STK32B: variants seen among roughly 807,000 people sequenced by gnomAD.
The protein encoded by STK32B is serine/threonine-protein kinase 32B.
Under a neutral mutation model 52.6 loss-of-function variants are expected in STK32B, and 43 were observed. The ratio of observed to expected loss-of-function variants is 0.82; its 90% CI spans 0.64 to 1.05. The LOEUF (loss-of-function observed/expected upper bound fraction) is 1.05. STK32B is among the 50% of genes least tolerant of loss of function. STK32B has a pLI of 0.00. For missense variants in STK32B, 621 were observed against 534.6 expected, an observed-to-expected ratio of 1.16 and a Z score of -1.59; for synonymous variants, 238 against 204.3, an observed-to-expected ratio of 1.17 and a Z score of -1.41.
At chr4:5,119,669 C>T (rs1714919141) in intron 1 of STK32B, among the ~76,000 whole-genome samples, 1 of 152,190 alleles carries the variant, frequency 6.6e-6, no homozygotes, top group Non-Finnish European at 1.5e-5. Flanking sequence ...CTTTTTCTTC[C>T]TTCTGCTTCT....
chr4:5,410,751 C>T (rs902215099), intron 5 of STK32B, among the ~76,000 whole-genome samples: 2 of 152,210 alleles, frequency 1.3e-5, no homozygotes, highest in African/African-American at 4.8e-5. Context: ...GATATCCCTA[C>T]AAACAATAAG....
chr4:5,387,399 C>T (rs964468970), intron 4 of STK32B, among the ~76,000 whole-genome samples: 7 of 152,210 alleles, frequency 4.6e-5, no homozygotes, highest in Admixed American at 1.3e-4. Context: ...CACACAAGCA[C>T]ATATACCCTG....
intron 3 of STK32B, among the ~76,000 whole-genome samples, chr4:5,315,104 T>C (rs896981342): frequency 2.8e-4 from 43 of 152,272 alleles, no homozygotes; most frequent in African/African-American, 8.9e-4. Context: ...CTAGACTATA[T>C]AGTGAGTTCT....
chr4:5,178,813 G>A (rs1490826514), intron 3 of STK32B, among the ~76,000 whole-genome samples: 1 of 152,142 alleles, frequency 6.6e-6, no homozygotes, highest in African/African-American at 2.4e-5. Context: ...GGACTTAATT[G>A]CCCATATCAC....
chr4:5,138,049 T>C (rs1237063667), intron 1 of STK32B, among the ~76,000 whole-genome samples: 2 of 152,190 alleles, frequency 1.3e-5, no homozygotes, highest in Non-Finnish European at 2.9e-5. Context: ...CATAACAAGC[T>C]GCAGTCCAAG....
In STK32B at chr4:5,499,099, T is replaced by G. The variant is rs754232637; in HGVS notation, c.*16T>G. On this transcript the variant is annotated 3_prime_UTR_variant, in exon 12 of 12. Coordinates refer to ENST00000282908, the MANE Select transcript of STK32B (RefSeq NM_018401.3). Reference sequence around the variant, plus strand: ...CAGCAGCTGAGCCCACACTTGTTGCTGCTCAACAGGACTGCACTCGTCTCT... The same window carrying G: ...CAGCAGCTGAGCCCACACTTGTTGCGGCTCAACAGGACTGCACTCGTCTCT... The G allele has an allele frequency of 6.2e-7, 1 of 1,604,606 alleles. No homozygotes were observed.
At chr4:5,321,846 G>A (rs1037411205) in intron 3 of STK32B, among the ~76,000 whole-genome samples, 2 of 152,050 alleles carry the variant, frequency 1.3e-5, no homozygotes, top group African/African-American at 4.8e-5. Flanking sequence ...ATGGCTTTGA[G>A]AGGTTCTCAT....
intron 4 of STK32B, among the ~76,000 whole-genome samples, chr4:5,351,598 A>T (rs1733829578): frequency 1.3e-5 from 2 of 152,048 alleles, no homozygotes; most frequent in Admixed American, 6.5e-5. Context: ...ATAAAAGGAC[A>T]AAATAATAAA....
chr4:5,175,637 G>C (rs577049479), intron 3 of STK32B, among the ~76,000 whole-genome samples: 5 of 152,336 alleles, frequency 3.3e-5, no homozygotes, highest in Admixed American at 3.3e-4. Flanking sequence ...AACCGCAAAT[G>C]CTGCTGCCTG....
At chr4:5,220,021 G>A (rs1723423828) in intron 3 of STK32B, among the ~76,000 whole-genome samples, 1 of 152,104 alleles carries the variant, frequency 6.6e-6, no homozygotes, top group African/African-American at 2.4e-5. Context: ...ATAAGGCTGT[G>A]GGCACGTTCA....
chr4:5,138,204 G>A (rs1162482300), intron 1 of STK32B, among the ~76,000 whole-genome samples: 2 of 152,164 alleles, frequency 1.3e-5, no homozygotes, highest in East Asian at 3.8e-4. Context: ...CATTAACTCC[G>A]TCTCTCTATT....
intron 11 of STK32B, among the ~76,000 whole-genome samples, chr4:5,475,196 C>T (rs1368539247): frequency 6.6e-6 from 1 of 151,824 alleles, no homozygotes; most frequent in South Asian, 2.1e-4. Flanking sequence ...CTGAGGCTGG[C>T]GAATCACGAG....
chr4:5,139,890 T>TG lies in STK32B; in HGVS notation c.53-14dup. The TG allele has an allele frequency of 6.2e-7, 1 of 1,614,216 alleles. No homozygotes were observed. The highest frequency in any genetic ancestry group is 2.2e-5 in the East Asian group (1 of 44,888). On this transcript the variant is annotated splice_polypyrimidine_tract_variant and intron_variant, in intron 1 of 11. Transcript: ENST00000282908. ...AGCAAATCTGACTTGTTTCCTTTTT[T>TG]GTTTTCTTTTGCAGTCAACTTTGAC...
intron 1 of STK32B, among the ~76,000 whole-genome samples, chr4:5,089,897 A>C (rs563484961): frequency 1.3e-5 from 2 of 152,200 alleles, no homozygotes; most frequent in African/African-American, 4.8e-5. Flanking sequence ...ACTTTTTAAT[A>C]ATCACCATTC....
Position 5,331,356 on chromosome 4 carries a change from G to T in STK32B, c.397G>T (p.Ala133Ser), listed in dbSNP as rs1452327861. The stretch of plus-strand genomic sequence containing the variant: ...ACTCTACATCTGTGAGCTGGCACTG[G>T]CCCTGGAGTATCTTCAGAGGTACCA... ...VKLYICELALALEYLQRYHII... is the reference protein window; with the variant it reads ...VKLYICELALSLEYLQRYHII... The change falls in exon 4 of 12, where the codon GCC (alanine) becomes TCC (serine). Residue 133 changes from alanine to serine, a missense_variant. Ala to Ser is a moderately conservative substitution (Grantham distance 99). Transcript: ENST00000282908. The T allele has an allele frequency of 6.2e-7, 1 of 1,613,598 alleles. No individual in the cohort carries two copies. Among genetic ancestry groups the T allele is most frequent in the South Asian group, 1.1e-5 (1 of 90,986 alleles).
At chr4:5,085,465 T>G (rs1316127370) in intron 1 of STK32B, among the ~76,000 whole-genome samples, 3 of 152,186 alleles carry the variant, frequency 2.0e-5, no homozygotes, top group African/African-American at 7.2e-5. Flanking sequence ...TGGGATGCTG[T>G]AATGGTTACT....
intron 1 of STK32B, among the ~76,000 whole-genome samples, chr4:5,060,319 C>G (rs143227877): frequency 1.3e-5 from 2 of 152,092 alleles, no homozygotes; most frequent in Non-Finnish European, 2.9e-5. Context: ...TTATTCATAT[C>G]CTCTTATTAT....
intron 5 of STK32B, among the ~76,000 whole-genome samples, chr4:5,411,348 T>C (rs1398259961): frequency 6.6e-6 from 1 of 152,240 alleles, no homozygotes. Context: ...GCCCCATCTC[T>C]TAATGTAGTT....
intron 2 of STK32B, among the ~76,000 whole-genome samples, chr4:5,145,327 T>G (rs1459072405): frequency 1.3e-5 from 2 of 152,246 alleles, no homozygotes; most frequent in African/African-American, 4.8e-5. Flanking sequence ...CTTAAATATT[T>G]CAGCCTAGAG....
Sources: allele counts gnomAD v4.1 joint callset (sites outside exome capture counted in the v4.1 genomes callset), GRCh38; gene constraint gnomAD v4.1.1; transcripts MANE v1.5; gene names NCBI Gene and HGNC (gene_info 2026-07-23, HGNC 2026-07-21).